STARD5: variants seen among roughly 807,000 people sequenced by gnomAD.
STARD5 encodes StAR related lipid transfer domain containing 5, also known as stAR-related lipid transfer protein 5.
A neutral mutation model predicts 24.6 loss-of-function variants in STARD5; 26 were observed. The ratio of observed to expected loss-of-function variants is 1.06; its 90% CI spans 0.77 to 1.47. The LOEUF (loss-of-function observed/expected upper bound fraction) is 1.47, where lower values mean the gene tolerates loss of function less well. Ranked by LOEUF, STARD5 falls within the 40% of genes most tolerant of loss-of-function variation. The pLI, the probability that STARD5 is intolerant of heterozygous loss-of-function variation, is 0.00. For synonymous variants in STARD5, 101 were observed against 99.7 expected (o/e 1.01, Z -0.07); for missense variants, 254 against 270.8 (o/e 0.94, Z 0.44).
At chr15:81,315,580 G>C (rs1384482304) in intron 5 of STARD5, among the ~76,000 whole-genome samples, 1 of 152,110 alleles carries the variant, frequency 6.6e-6, no homozygotes. Flanking sequence ...CTCCAGAAAT[G>C]ACACTGTAAT....
Position 81,320,929 on chromosome 15 carries a change from T to C in STARD5, c.283-1473A>G, listed in dbSNP as rs146746713. The stretch of plus-strand genomic sequence containing the variant: ...CCTGTATCCTATCCATCCATCCACC[T>C]ATCATCGATCATCTATCTATTTTAG... On this transcript the variant is annotated intron_variant, in intron 3 of 5. Transcript: ENST00000302824. Among the ~76,000 whole-genome samples the C allele has an allele frequency of 2.7e-3, 412 of 152,320 alleles. 1 individual carries two copies. Among genetic ancestry groups the C allele is most frequent in the African/African-American group, 9.5e-3 (396 of 41,570 alleles).
chr15:81,314,926 C>T (rs1483086292), intron 5 of STARD5, among the ~76,000 whole-genome samples: 3 of 146,070 alleles, frequency 2.1e-5, no homozygotes, highest in Non-Finnish European at 4.5e-5. Flanking sequence ...GAATCTCACT[C>T]TTCAAGTCAT....
At chr15:81,314,915 AG>A (rs1901047919) in intron 5 of STARD5, among the ~76,000 whole-genome samples, 1 of 148,232 alleles carries the variant, frequency 6.7e-6, no homozygotes, top group African/African-American at 2.6e-5. Context: ...AAAAAAAAAA[AG>A]AATCTCACTC....
rs1032817012 is a variant in STARD5, at chr15:81,313,067, C to T, written c.*189G>A. ...CATGAATGGCTCATCACACGCCAAC[C>T]CTGAGTGGGGCAGGAGGCAGGAAGG... On this transcript the variant is annotated 3_prime_UTR_variant, in exon 6 of 6. Coordinates refer to ENST00000302824, the MANE Select transcript of STARD5 (RefSeq NM_181900.3). 3.6e-6 allele frequency: 2 copies of T among 560,676 alleles called. No individual in the cohort carries two copies. The highest frequency in any genetic ancestry group is 2.0e-5 in the African/African-American group (1 of 50,882). The allele number at this position is 560,676 out of a possible 1,614,324, so 34.7% of individuals were successfully genotyped here.
intron 5 of STARD5, among the ~76,000 whole-genome samples, chr15:81,316,254 T>A (rs750736347): frequency 2.0e-5 from 3 of 152,166 alleles, no homozygotes; most frequent in Non-Finnish European, 4.4e-5. Flanking sequence ...TTTATCTGGG[T>A]TTAGTTTTCC....
rs1900743162 is a variant in STARD5 at position 81,309,502 on chromosome 15, T to C, written c.*3754A>G. On this transcript the variant is annotated 3_prime_UTR_variant, in exon 6 of 6. Coordinates refer to ENST00000302824, the MANE Select transcript of STARD5 (RefSeq NM_181900.3). ...AAGTTGCATGGCATCACCTCCACCATACTCCATCAGTTAGAGCTGACACAA... is the reference window on the plus strand; with the variant it reads ...AAGTTGCATGGCATCACCTCCACCACACTCCATCAGTTAGAGCTGACACAA... 1.3e-5 allele frequency: 2 copies of C among 152,326 alleles called. No homozygotes were observed. Among genetic ancestry groups the C allele is most frequent in the South Asian group, 4.1e-4 (2 of 4,834 alleles). The allele number at this position is 152,326 out of a possible 1,614,324, so 9.4% of individuals were successfully genotyped here. A position where few individuals can be genotyped will look rare whatever the true frequency, so the allele number is the denominator to read the frequency against.
At chr15:81,314,177 C>T (rs1261173288) in intron 5 of STARD5, 2 of 151,924 alleles carry the variant, frequency 1.3e-5, no homozygotes, top group African/African-American at 2.4e-5. Context: ...CTATGAAGCC[C>T]TCAAATATAT....
In STARD5 at chr15:81,313,044, T is replaced by C; in HGVS notation, c.*212A>G. The C allele has an allele frequency of 2.3e-6, 1 of 426,800 alleles. No individual in the cohort carries two copies. The highest frequency in any genetic ancestry group is 4.7e-5 in the South Asian group (1 of 21,208). The allele number at this position is 426,800 out of a possible 1,614,324, so 26.4% of individuals were successfully genotyped here. ...ACAGGCAGATGGAGTTTGGAACACATGAATGGCTCATCACACGCCAACCCT... is the reference window on the plus strand; with the variant it reads ...ACAGGCAGATGGAGTTTGGAACACACGAATGGCTCATCACACGCCAACCCT... On this transcript the variant is annotated 3_prime_UTR_variant, in exon 6 of 6. Coordinates refer to ENST00000302824, the MANE Select transcript of STARD5 (RefSeq NM_181900.3).
rs1252615278 is a variant in STARD5, at chr15:81,312,059, A to G, written c.*1197T>C. The G allele has an allele frequency of 6.6e-6, 1 of 152,220 alleles. No individual in the cohort carries two copies. The highest frequency in any genetic ancestry group is 1.5e-5 in the Non-Finnish European group (1 of 68,050). The allele number at this position is 152,220 out of a possible 1,614,324, so 9.4% of individuals were successfully genotyped here. ...ACTGTGAAAACATTTTGCGCGCACA[A>G]TAGTAACCTGGGTAAATGCAGCGTG... On this transcript the variant is annotated 3_prime_UTR_variant, in exon 6 of 6. Transcript: ENST00000302824.
intron 5 of STARD5, among the ~76,000 whole-genome samples, chr15:81,315,535 C>T (rs1051462087): frequency 7.2e-5 from 11 of 152,260 alleles, no homozygotes; most frequent in Non-Finnish European, 1.2e-4. Context: ...GTAGGTGTGA[C>T]GCACTTAGCA....
intron 5 of STARD5, among the ~76,000 whole-genome samples, chr15:81,316,091 C>T (rs1901077535): frequency 6.6e-6 from 1 of 152,194 alleles, no homozygotes; most frequent in African/African-American, 2.4e-5. Flanking sequence ...TGCTCCGGCT[C>T]CTGCTCCCAC....
At chr15:81,314,333 G>T (rs533113818) in intron 5 of STARD5, among the ~76,000 whole-genome samples, 8 of 152,220 alleles carry the variant, frequency 5.3e-5, no homozygotes, top group Non-Finnish European at 1.0e-4. Context: ...CTGACTGGAA[G>T]TCCAGAATCA....
At position 81,310,063 on chromosome 15, in the gene STARD5, C is replaced by G. The variant is rs758073677; in HGVS notation, c.*3193G>C. 1 of 152,264 alleles carries G rather than the reference C, an allele frequency of 6.6e-6. No homozygotes were observed. The highest frequency in any genetic ancestry group is 2.4e-5 in the African/African-American group (1 of 41,472). The allele number at this position is 152,264 out of a possible 1,614,324, so 9.4% of individuals were successfully genotyped here. A position where few individuals can be genotyped will look rare whatever the true frequency, so the allele number is the denominator to read the frequency against. ...TCTCTGGATGCCTGATTGCCAAGCT[C>G]AGGACCAGGCAATGTGACTTTGCAT... On this transcript the variant is annotated 3_prime_UTR_variant, in exon 6 of 6. Coordinates refer to ENST00000302824, the MANE Select transcript of STARD5 (RefSeq NM_181900.3).
intron 3 of STARD5, 137 bp from the exon 4 acceptor site, chr15:81,319,593 G>A (rs1225604364): frequency 2.6e-6 from 2 of 757,730 alleles, no homozygotes; most frequent in Non-Finnish European, 4.6e-6. Context: ...GATCCAGAGC[G>A]AGTCTTCCCA....
intron 5 of STARD5, among the ~76,000 whole-genome samples, chr15:81,317,225 C>T (rs1235016059): frequency 6.6e-6 from 1 of 151,222 alleles, no homozygotes; most frequent in African/African-American, 2.4e-5. Flanking sequence ...CATGTGATAC[C>T]TTTGCTACCT....
At chr15:81,315,100 A>G (rs1037520256) in intron 5 of STARD5, among the ~76,000 whole-genome samples, 1 of 151,920 alleles carries the variant, frequency 6.6e-6, no homozygotes, top group Non-Finnish European at 1.5e-5. Flanking sequence ...TCAAAGTCCT[A>G]GCATCATCCG....
At chr15:81,322,278 G>C in intron 3 of STARD5, 130 bp downstream of exon 3, 1 of 1,232,874 alleles carries the variant, frequency 8.1e-7, no homozygotes, top group Non-Finnish European at 1.2e-6. Context: ...GCAAGCAGTG[G>C]GCAGCCTGTG....
At chr15:81,323,956 A>C in intron 1 of STARD5, 45 bp downstream of exon 1, 1 of 1,548,918 alleles carries the variant, frequency 6.5e-7, no homozygotes, top group South Asian at 1.2e-5. Flanking sequence ...CCCGGGCTCC[A>C]CGAAGCCGTC....
intron 3 of STARD5, among the ~76,000 whole-genome samples, chr15:81,320,035 A>C (rs1012772973): frequency 6.6e-6 from 1 of 152,200 alleles, no homozygotes; most frequent in African/African-American, 2.4e-5. Context: ...AACCTCACTC[A>C]ATCTCAGCAT....
Sources: gnomAD v4.1 joint callset for allele counts (sites outside exome capture counted in the v4.1 genomes callset) on GRCh38, gnomAD v4.1.1 for gene constraint, MANE v1.5 for transcripts, NCBI Gene and HGNC (gene_info 2026-07-23, HGNC 2026-07-21) for gene names.